The following THSD7A variants were observed in gnomAD, a reference collection of about 807,000 sequenced individuals.
The protein encoded by THSD7A is thrombospondin type 1 domain containing 7A, also known as thrombospondin type-1 domain-containing protein 7A.
Under a neutral mutation model 231.3 loss-of-function variants are expected in THSD7A, and 96 were observed. The observed-to-expected ratio is 0.41, with a 90% confidence interval of 0.35 to 0.49. The LOEUF is 0.49. Ranked by LOEUF, THSD7A falls within the 20% of genes least tolerant of loss-of-function variation. THSD7A has a pLI of 0.05. For synonymous variants in THSD7A, 940 were observed against 743.3 expected, an observed-to-expected ratio of 1.26 and a Z score of -4.30; for missense variants, 2,290 against 2,070.2, an observed-to-expected ratio of 1.11 and a Z score of -2.06.
rs879579259 is a variant in THSD7A, at chr7:11,812,142, G to T, written c.190+19615C>A. 4.2e-4 allele frequency among the ~76,000 whole-genome samples: 49 copies of T among 116,478 alleles called. No homozygotes were observed. The South Asian group carries it at 0.012, about 28-fold the overall frequency. The allele number at this position is 116,478 out of a possible 152,430, so 76.4% of individuals were successfully genotyped here. A position where few individuals can be genotyped will look rare whatever the true frequency, so the allele number is the denominator to read the frequency against. On this transcript the variant is annotated intron_variant, in intron 1 of 27. Coordinates refer to ENST00000423059, the MANE Select transcript of THSD7A (RefSeq NM_015204.3). The stretch of plus-strand genomic sequence containing the variant: ...GTGTGTGTGTGTGTGTGTGTGTGTG[G>T]GAGACAGAGAGAGAGATATGGGGAG...
At chr7:11,499,494 A>G (rs1254642359) in intron 6 of THSD7A, among the ~76,000 whole-genome samples, 3 of 152,238 alleles carry the variant, frequency 2.0e-5, no homozygotes, top group African/African-American at 4.8e-5. Flanking sequence ...TGACAGAAAT[A>G]GAATTCATAA....
chr7:11,463,866 G>T (rs1785597235), intron 9 of THSD7A, among the ~76,000 whole-genome samples: 1 of 152,132 alleles, frequency 6.6e-6, no homozygotes, highest in Non-Finnish European at 1.5e-5. Flanking sequence ...TTGTCAAAAT[G>T]ACCTGTATTT....
At chr7:11,452,521 C>G (rs1209098867) in intron 11 of THSD7A, among the ~76,000 whole-genome samples, 2 of 152,004 alleles carry the variant, frequency 1.3e-5, no homozygotes, top group Non-Finnish European at 2.9e-5. Context: ...CCCAGTCTCA[C>G]TGATGCTTAT....
intron 6 of THSD7A, among the ~76,000 whole-genome samples, chr7:11,504,832 C>CTTTTTTTTTTTTTTTTTTTTTTTT (rs11379673): frequency 6.7e-6 from 1 of 150,112 alleles, no homozygotes; most frequent in Non-Finnish European, 1.5e-5. Flanking sequence ...CAACTAACTC[C>CTTTTTTTTTTTTTTTTTTTTTTTT]TTTTTTTTTA....
At chr7:11,677,505 G>T (rs1783685892) in intron 1 of THSD7A, among the ~76,000 whole-genome samples, 1 of 140,890 alleles carries the variant, frequency 7.1e-6, no homozygotes, top group Admixed American at 7.7e-5. Context: ...GCTGTATTCA[G>T]GAGACCCATC....
intron 1 of THSD7A, among the ~76,000 whole-genome samples, chr7:11,676,580 T>C (rs1461015329): frequency 6.6e-6 from 1 of 151,948 alleles, no homozygotes; most frequent in African/African-American, 2.4e-5. Flanking sequence ...ATAAATGACC[T>C]AAGAGAGATG....
At chr7:11,451,329 T>G (rs1348857052) in intron 11 of THSD7A, among the ~76,000 whole-genome samples, 1 of 152,022 alleles carries the variant, frequency 6.6e-6, no homozygotes, top group East Asian at 1.9e-4. Context: ...TTAGATAGTT[T>G]GAAAGAATTG....
intron 13 of THSD7A, among the ~76,000 whole-genome samples, chr7:11,445,579 T>C (rs987800271): frequency 3.3e-5 from 5 of 151,858 alleles, no homozygotes; most frequent in Admixed American, 6.6e-5. Flanking sequence ...ACGTTTGAGT[T>C]TTCACCAGTT....
At chr7:11,650,290 G>A (rs529740137) in intron 1 of THSD7A, among the ~76,000 whole-genome samples, 1 of 152,012 alleles carries the variant, frequency 6.6e-6, no homozygotes, top group East Asian at 1.9e-4. Context: ...ATATAATGTG[G>A]ACAACGTCTC....
Position 11,639,018 on chromosome 7 carries a change from A to C in THSD7A, c.191-2057T>G, listed in dbSNP as rs141043013. 2.7e-3 allele frequency among the ~76,000 whole-genome samples: 414 copies of C among 152,200 alleles called. 1 individual carries two copies. The highest frequency in any genetic ancestry group is 4.5e-3 in the Non-Finnish European group (309 of 68,000). On this transcript the variant is annotated intron_variant, in intron 1 of 27. Transcript: ENST00000423059. Reference sequence around the variant, plus strand: ...TCCTTGGCATTTATTCCCCATCCCCACTGTGCTTGAACAAAACAGTGGTCC... The same window carrying C: ...TCCTTGGCATTTATTCCCCATCCCCCCTGTGCTTGAACAAAACAGTGGTCC...
At chr7:11,717,755 C>A (rs527323865) in intron 1 of THSD7A, among the ~76,000 whole-genome samples, 2 of 151,672 alleles carry the variant, frequency 1.3e-5, no homozygotes, top group South Asian at 4.1e-4. Context: ...TTGCTTGGTT[C>A]CAAACTAAGA....
chr7:11,640,576 T>A (rs1213326302), intron 1 of THSD7A, among the ~76,000 whole-genome samples: 1 of 152,144 alleles, frequency 6.6e-6, no homozygotes, highest in Non-Finnish European at 1.5e-5. Context: ...TTTGGATAAC[T>A]AAATATGCAC....
At chr7:11,742,371 C>T (rs563224447) in intron 1 of THSD7A, among the ~76,000 whole-genome samples, 68 of 151,918 alleles carry the variant, frequency 4.5e-4, no homozygotes, top group African/African-American at 1.3e-3. Context: ...ACAAAAAATA[C>T]GCCCTTTGCC....
chr7:11,491,329 C>A, intron 6 of THSD7A, among the ~76,000 whole-genome samples: 1 of 152,022 alleles, frequency 6.6e-6, no homozygotes, highest in East Asian at 1.9e-4. Context: ...AAAATTTGGA[C>A]TGAAAGTTGT....
intron 6 of THSD7A, among the ~76,000 whole-genome samples, chr7:11,503,852 T>C (rs543968422): frequency 6.6e-6 from 1 of 152,118 alleles, no homozygotes; most frequent in Non-Finnish European, 1.5e-5. Flanking sequence ...TGCTTATACA[T>C]TGTTGGTAGA....
At chr7:11,494,001 T>G (rs187342537) in intron 6 of THSD7A, among the ~76,000 whole-genome samples, 4 of 152,042 alleles carry the variant, frequency 2.6e-5, no homozygotes, top group Admixed American at 1.3e-4. Flanking sequence ...TACACCTTAG[T>G]ATAATTTTAC....
intron 6 of THSD7A, among the ~76,000 whole-genome samples, chr7:11,489,463 C>T (rs1007273928): frequency 6.6e-6 from 1 of 151,986 alleles, no homozygotes; most frequent in Non-Finnish European, 1.5e-5. Flanking sequence ...CAGCCTCTTG[C>T]CAGTTTTGCA....
Position 11,375,405 on chromosome 7 carries a change from T to TCGCCGTATC in THSD7A, c.*388_*389insGATACGGCG. ...GACCATAGTATTGTGGAGATCTTGG[T>TCGCCGTATC]AGAAACTCTTCATGCTAGGAAGTTT... On this transcript the variant is annotated 3_prime_UTR_variant, in exon 28 of 28. Transcript: ENST00000423059. The TCGCCGTATC allele has an allele frequency of 6.1e-6, 1 of 163,432 alleles. No individual in the cohort carries two copies. The highest frequency in any genetic ancestry group is 1.3e-5 in the Non-Finnish European group (1 of 75,604). The allele number at this position is 163,432 out of a possible 1,614,324, so 10.1% of individuals were successfully genotyped here.
intron 8 of THSD7A, among the ~76,000 whole-genome samples, chr7:11,470,422 T>C (rs1562635495): frequency 6.6e-6 from 1 of 152,050 alleles, no homozygotes; most frequent in Admixed American, 6.6e-5. Context: ...CAGGTTATTC[T>C]ACAATTTATT....
Sources: gnomAD v4.1 joint callset for allele counts (sites outside exome capture counted in the v4.1 genomes callset) on GRCh38, gnomAD v4.1.1 for gene constraint, MANE v1.5 for transcripts, NCBI Gene and HGNC (gene_info 2026-07-23, HGNC 2026-07-21) for gene names.